The following COL6A2 variants were observed in gnomAD, a reference collection of about 807,000 sequenced individuals.
COL6A2 encodes collagen alpha-2(VI) chain.
COL6A2 carries 90 observed loss-of-function variants against 124.9 expected under a neutral mutation model. The observed-to-expected ratio is 0.72, with a 90% CI of 0.61 to 0.86. COL6A2 has a LOEUF of 0.86. Among genes scored for constraint, COL6A2 ranks in the 40% least tolerant of loss-of-function variants. The pLI is 0.00. For synonymous variants in COL6A2, 793 were observed against 618.2 expected (o/e 1.28, Z -4.19); for missense variants, 1,607 against 1,502.5 (o/e 1.07, Z -1.15).
Position 46,117,855 on chromosome 21 carries a change from CCT to C in COL6A2, c.1054-15_1054-14del, listed in dbSNP as rs1192125357. On this transcript the variant is annotated splice_polypyrimidine_tract_variant and intron_variant, in intron 11 of 27. Coordinates refer to ENST00000300527, the MANE Select transcript of COL6A2 (RefSeq NM_001849.4). ...CCCACCCGCCGTGTGCCGAGCTCCACCTCTCACTCCTCTCTCAGGGCCCCGAC... is the reference window on the plus strand; with the variant it reads ...CCCACCCGCCGTGTGCCGAGCTCCACCTCACTCCTCTCTCAGGGCCCCGAC... 2 of 1,606,596 alleles carry C rather than the reference CCT, an allele frequency of 1.2e-6. No homozygotes were observed. Among genetic ancestry groups the C allele is most frequent in the East Asian group, 2.2e-5 (1 of 44,622 alleles).
rs1212993961 is a variant in COL6A2 at position 46,116,836 on chromosome 21, C to T, written c.999+22C>T. The T allele has an allele frequency of 1.2e-6, 2 of 1,612,582 alleles. No homozygotes were observed. Among genetic ancestry groups the T allele is most frequent in the African/African-American group, 1.3e-5 (1 of 74,998 alleles). ...GAAGGTAGAGGGAGCCTCGGGCTCA[C>T]AGCTGGACTGGTCTCACAGAGGCAT... On this transcript the variant is annotated intron_variant, in intron 10 of 27. Coordinates refer to ENST00000300527, the MANE Select transcript of COL6A2 (RefSeq NM_001849.4). The surrounding 1 kb of genome is among the most constrained non-coding windows in gnomAD (Gnocchi z 4.6).
intron 14 of COL6A2, among the ~76,000 whole-genome samples, chr21:46,119,488 C>T (rs982570488): frequency 1.3e-5 from 2 of 152,216 alleles, no homozygotes; most frequent in Non-Finnish European, 2.9e-5. Flanking sequence ...CCCCACCAGG[C>T]CCCAGCCCAT....
intron 5 of COL6A2, among the ~76,000 whole-genome samples, chr21:46,115,498 G>A (rs903182651): frequency 2.0e-5 from 3 of 152,306 alleles, no homozygotes; most frequent in Admixed American, 1.3e-4. Flanking sequence ...TTAGATAAAG[G>A]AATTAATCTT....
intron 1 of COL6A2, among the ~76,000 whole-genome samples, chr21:46,109,749 T>C (rs2078374604): frequency 6.6e-6 from 1 of 152,026 alleles, no homozygotes; most frequent in African/African-American, 2.4e-5. Flanking sequence ...GCTCTGAGAT[T>C]GGAGTGGGTG....
chr21:46,123,560 T>TGATG (rs898507544), intron 21 of COL6A2, among the ~76,000 whole-genome samples: 1 of 150,292 alleles, frequency 6.7e-6, no homozygotes, highest in Admixed American at 6.6e-5. Flanking sequence ...GGAGGATGGG[T>TGATG]GATGGATGGA....
intron 27 of COL6A2, chr21:46,129,228 ACCTTCCTCCGCAC>A (rs759222680): frequency 6.2e-7 from 1 of 1,612,802 alleles, no homozygotes; most frequent in South Asian, 1.1e-5. Context: ...GCCCCCGGTC[ACCTTCCTCCGCAC>A]GGAAGAGGGG....
intron 27 of COL6A2, 32 bp from the exon 28 acceptor site, chr21:46,131,922 T>G: frequency 6.4e-7 from 1 of 1,555,530 alleles, no homozygotes. Flanking sequence ...CCACCTCCCC[T>G]CCGCCCAGCC....
At chr21:46,125,082 AG>A (rs2123660103) in intron 23 of COL6A2, among the ~76,000 whole-genome samples, 162 bp downstream of exon 23, 1 of 152,152 alleles carries the variant, frequency 6.6e-6, no homozygotes, top group South Asian at 2.1e-4. Context: ...GGAAGGTCAC[AG>A]GGCAAGGTTG....
At chr21:46,129,276 A>C (rs1466279627) in intron 27 of COL6A2, 4 of 1,612,862 alleles carry the variant, frequency 2.5e-6, no homozygotes, top group Non-Finnish European at 3.4e-6. Flanking sequence ...CCCCAGGACC[A>C]TTCCCCTGAT....
In COL6A2 at chr21:46,131,997, C is replaced by G; in HGVS notation, c.2505C>G (p.Val835=). The G allele has an allele frequency of 1.2e-6, 2 of 1,610,270 alleles. No individual in the cohort carries two copies. The highest frequency in any genetic ancestry group is 1.1e-5 in the South Asian group (1 of 91,004). ...GCACGCAGCGGCCCGTGGACATCGT[C>G]TTCCTGCTGGACGGCTCCGAGCGGC... ...AQCTQRPVDI[V]FLLDGSERLG... Residue 835 remains valine, a synonymous_variant, in exon 28 of 28, where the codon GTC becomes GTG. Coordinates refer to ENST00000300527, the MANE Select transcript of COL6A2 (RefSeq NM_001849.4).
intron 19 of COL6A2, 32 bp downstream of exon 19, chr21:46,122,190 G>C: frequency 6.2e-7 from 1 of 1,609,982 alleles, no homozygotes; most frequent in Non-Finnish European, 8.5e-7. Context: ...CAGCTCCCAG[G>C]AGTGGGTGGA....
At chr21:46,122,208 C>G in intron 19 of COL6A2, 50 bp downstream of exon 19, 1 of 1,595,304 alleles carries the variant, frequency 6.3e-7, no homozygotes, top group African/African-American at 1.3e-5. Flanking sequence ...GGACATTGTC[C>G]CAAGGGCCCT....
At position 46,112,265 on chromosome 21, in the gene COL6A2, C is replaced by T. The variant is rs201221113; in HGVS notation, c.402C>T (p.Thr134=). The T allele has an allele frequency of 5.8e-5, 93 of 1,612,650 alleles. No homozygotes were observed. The highest frequency in any genetic ancestry group is 6.8e-5 in the Non-Finnish European group (80 of 1,179,998). The change falls in exon 3 of 28, where the codon ACC becomes ACT. Residue 134 remains threonine (T), a synonymous_variant. Coordinates refer to ENST00000300527, the MANE Select transcript of COL6A2 (RefSeq NM_001849.4). ...GISSFRRGTF[T]DCALANMTEQ... ...GCTCCTTCCGCCGCGGCACCTTCAC[C>T]GACTGCGCGCTGGCCAACATGACGG...
intron 1 of COL6A2, among the ~76,000 whole-genome samples, chr21:46,102,532 G>A (rs781383508): frequency 3.9e-5 from 6 of 152,034 alleles, no homozygotes; most frequent in South Asian, 2.1e-4. Context: ...TGGCTTTTTC[G>A]TATAATATGG....
Position 46,117,400 on chromosome 21 carries a change from G to A in COL6A2, c.1000G>A (p.Gly334Ser). ...CTCCTCCTGCCCCCTTCTCCTTCAGGGCAAGCTGGGGCGCATCGGACCTCC... is the reference window on the plus strand; with the variant it reads ...CTCCTCCTGCCCCCTTCTCCTTCAGAGCAAGCTGGGGCGCATCGGACCTCC... ...AGKNGTDGQK[G>S]KLGRIGPPGC... Residue 334 changes from glycine to serine, a missense_variant and splice_region_variant, in exon 11 of 28, where the codon GGC becomes AGC. This residue lies in a region of COL6A2 where 1,223 missense variants were observed against 1,052.2 expected (regional missense o/e 1.16). Transcript: ENST00000300527. The A allele has an allele frequency of 1.9e-6, 3 of 1,612,746 alleles. No homozygotes were observed. The highest frequency in any genetic ancestry group is 2.5e-6 in the Non-Finnish European group (3 of 1,179,894).
At chr21:46,125,416 G>A in intron 24 of COL6A2, 49 bp from the exon 25 acceptor site, 1 of 1,610,780 alleles carries the variant, frequency 6.2e-7, no homozygotes, top group Middle Eastern at 1.7e-4. Context: ...CGTGACCCTA[G>A]GGTCTGAGGT....
At position 46,121,622 on chromosome 21, in the gene COL6A2, C is replaced by T. The variant is rs886043036; in HGVS notation, c.1521+4C>T. On this transcript the variant is annotated splice_donor_region_variant and intron_variant, in intron 18 of 27. Coordinates refer to ENST00000300527, the MANE Select transcript of COL6A2 (RefSeq NM_001849.4). ...CTCAGGACAGCCAGGCCCCAAGGTA[C>T]GTGCCCCTCCCCCAGCAGGACGTAT... is the stretch of plus-strand genomic sequence containing the variant. 2.4e-5 allele frequency: 39 copies of T among 1,612,558 alleles called. No homozygotes were observed. Among genetic ancestry groups the T allele is most frequent in the African/African-American group, 1.3e-4 (10 of 74,922 alleles).
chr21:46,112,602 CCA>C, intron 3 of COL6A2, 25 bp downstream of exon 3: 1 of 1,610,568 alleles, frequency 6.2e-7, no homozygotes, highest in Non-Finnish European at 8.5e-7. Flanking sequence ...GGAGCACCGT[CCA>C]CGCGCCAGGG....
chr21:46,122,446 G>C (rs778345383), intron 19 of COL6A2, 50 bp from the exon 20 acceptor site: 2 of 1,610,664 alleles, frequency 1.2e-6, no homozygotes, highest in South Asian at 2.2e-5. Flanking sequence ...AGGGAGGAAG[G>C]AGCACTGGGA....
Sources: allele counts gnomAD v4.1 joint callset (sites outside exome capture counted in the v4.1 genomes callset), GRCh38; gene constraint gnomAD v4.1.1; regional missense constraint gnomAD v4.1.1; non-coding constraint Gnocchi (gnomAD v3.1); transcripts MANE v1.5; gene names NCBI Gene and HGNC (gene_info 2026-07-23, HGNC 2026-07-21).